The following TWIST2 variants were observed in gnomAD, a reference collection of about 807,000 sequenced individuals.
TWIST2 encodes the protein twist-related protein 2.
In TWIST2, 1 loss-of-function variant was observed where a neutral mutation model predicts 11.6. That is an observed-to-expected ratio of 0.09 (90% CI 0.03 to 0.41). The LOEUF (loss-of-function observed/expected upper bound fraction) is 0.41. TWIST2 is among the 10% of genes least tolerant of loss of function. TWIST2 has a pLI of 0.98. For missense variants in TWIST2, 168 were observed against 226.4 expected (o/e 0.74, Z 1.66); for synonymous variants, 87 against 96.6 (o/e 0.90, Z 0.58).
chr2:238,878,608 T>A (rs1692850096), intron 1 of TWIST2, among the ~76,000 whole-genome samples: 1 of 152,234 alleles, frequency 6.6e-6, no homozygotes, highest in Admixed American at 6.5e-5. Context: ...GCAGCCCCTG[T>A]TGATCTTTTT....
At chr2:238,896,748 C>A (rs1012903550) in intron 1 of TWIST2, among the ~76,000 whole-genome samples, 1 of 152,198 alleles carries the variant, frequency 6.6e-6, no homozygotes, top group African/African-American at 2.4e-5. Flanking sequence ...TGGGGCCAGC[C>A]GCTGCCACAC....
intron 1 of TWIST2, among the ~76,000 whole-genome samples, chr2:238,892,132 A>C (rs1322760263): frequency 2.0e-5 from 3 of 151,984 alleles, no homozygotes; most frequent in Non-Finnish European, 1.5e-5. Flanking sequence ...CTGACTGTAC[A>C]TGGGCTGAGC....
intron 1 of TWIST2, among the ~76,000 whole-genome samples, chr2:238,871,956 C>T (rs138523814): frequency 1.5e-3 from 225 of 152,258 alleles, no homozygotes; most frequent in African/African-American, 4.8e-3. Context: ...AAAAAGAGTT[C>T]TGGAGATGAT....
chr2:238,860,209 G>C (rs776495049), intron 1 of TWIST2, among the ~76,000 whole-genome samples: 1 of 152,218 alleles, frequency 6.6e-6, no homozygotes, highest in Non-Finnish European at 1.5e-5. Context: ...CCTGCTCTTC[G>C]TGTGTGCAGG....
intron 1 of TWIST2, among the ~76,000 whole-genome samples, chr2:238,870,568 CCACACACCACACA>C (rs1318542441): frequency 1.4e-4 from 2 of 14,446 alleles, no homozygotes; most frequent in African/African-American, 2.5e-4. Context: ...ACACCACACA[CCACACACCACACA>C]CACACACCAC....
intron 1 of TWIST2, among the ~76,000 whole-genome samples, chr2:238,859,967 C>CT (rs1692402710): frequency 6.6e-6 from 1 of 152,184 alleles, no homozygotes; most frequent in Non-Finnish European, 1.5e-5. Context: ...CTCCATGCTG[C>CT]TTGCAGTCAG....
intron 1 of TWIST2, among the ~76,000 whole-genome samples, chr2:238,857,458 T>C (rs1000624675): frequency 1.2e-4 from 18 of 152,098 alleles, no homozygotes; most frequent in African/African-American, 2.7e-4. Context: ...CAGTCAGATA[T>C]CACTTTGAAA....
At chr2:238,853,255 T>G (rs1692272370) in intron 1 of TWIST2, among the ~76,000 whole-genome samples, 1 of 152,176 alleles carries the variant, frequency 6.6e-6, no homozygotes, top group African/African-American at 2.4e-5. Flanking sequence ...TAACTTTCAT[T>G]AAGCATACAC....
At chr2:238,908,903 GTGTT>G (rs1693402484) in intron 1 of TWIST2, among the ~76,000 whole-genome samples, 4 of 148,636 alleles carry the variant, frequency 2.7e-5, no homozygotes, top group South Asian at 2.2e-4. Flanking sequence ...TGTATGTAGT[GTGTT>G]TGTGTATGTG....
intron 1 of TWIST2, among the ~76,000 whole-genome samples, chr2:238,870,185 CATCACATACCACA>C (rs1692630290): frequency 2.3e-4 from 1 of 4,442 alleles, no homozygotes; most frequent in Non-Finnish European, 4.4e-4. Flanking sequence ...CCCACACACA[CATCACATACCACA>C]CACAAACCAC....
At chr2:238,872,163 T>C (rs1692718863) in intron 1 of TWIST2, among the ~76,000 whole-genome samples, 1 of 152,216 alleles carries the variant, frequency 6.6e-6, no homozygotes, top group Non-Finnish European at 1.5e-5. Flanking sequence ...CCTGCCCCCA[T>C]GCTCTCTATC....
intron 1 of TWIST2, among the ~76,000 whole-genome samples, chr2:238,904,997 AAAG>A (rs1167990062): frequency 2.0e-5 from 3 of 151,970 alleles, no homozygotes; most frequent in African/African-American, 7.3e-5. Flanking sequence ...AAGAAGAAAG[AAAG>A]AAAAGAAAGG....
At chr2:238,886,067 G>C (rs1421014793) in intron 1 of TWIST2, among the ~76,000 whole-genome samples, 1 of 146,142 alleles carries the variant, frequency 6.8e-6, no homozygotes, top group Admixed American at 6.9e-5. Context: ...TTGCACTCCA[G>C]CCTGGGTGAC....
intron 1 of TWIST2, among the ~76,000 whole-genome samples, chr2:238,907,132 G>A (rs1164294032): frequency 3.3e-5 from 5 of 152,210 alleles, no homozygotes; most frequent in Admixed American, 6.5e-5. Context: ...GGCTGGCCTG[G>A]GTGTGTGGCA....
chr2:238,874,808 G>C (rs1692773464), intron 1 of TWIST2, among the ~76,000 whole-genome samples: 1 of 152,130 alleles, frequency 6.6e-6, no homozygotes, highest in African/African-American at 2.4e-5. Flanking sequence ...CTGTGATTCA[G>C]GTAGGAGAGG....
At position 238,885,041 on chromosome 2, in the gene TWIST2, T is replaced by G. The variant is rs1574762855; in HGVS notation, c.*36-24801T>G. ...TTTCTCCTGAGAAGCCTGGAGCGGG[T>G]GGGGGTCAGCCCTGGTCCGTTAGGA... On this transcript the variant is annotated intron_variant, in intron 1 of 1. Transcript: ENST00000612363. 3.3e-5 allele frequency among the ~76,000 whole-genome samples: 5 copies of G among 152,238 alleles called. No homozygotes were observed. In the South Asian group the frequency reaches 1.0e-3, roughly 32 times the overall value.
At chr2:238,883,756 C>T (rs989582371) in intron 1 of TWIST2, among the ~76,000 whole-genome samples, 3 of 152,178 alleles carry the variant, frequency 2.0e-5, no homozygotes, top group Admixed American at 6.5e-5. Flanking sequence ...ATGTTGATTC[C>T]ATGCCTTGCG....
At chr2:238,856,201 C>T (rs1026382794) in intron 1 of TWIST2, among the ~76,000 whole-genome samples, 2 of 152,104 alleles carry the variant, frequency 1.3e-5, no homozygotes, top group Admixed American at 6.6e-5. Flanking sequence ...GTCCAGGTGG[C>T]CCATGCGAGC....
At chr2:238,878,504 G>A (rs937869387) in intron 1 of TWIST2, among the ~76,000 whole-genome samples, 8 of 152,140 alleles carry the variant, frequency 5.3e-5, no homozygotes, top group Non-Finnish European at 1.0e-4. Flanking sequence ...AGACCCATTC[G>A]GCATCCCAGG....
Sources: allele counts gnomAD v4.1 joint callset (sites outside exome capture counted in the v4.1 genomes callset), GRCh38; gene constraint gnomAD v4.1.1; transcripts MANE v1.5; gene names NCBI Gene and HGNC (gene_info 2026-07-23, HGNC 2026-07-21).